The following DNAH14 variants were observed in gnomAD, a reference collection of about 807,000 sequenced individuals.
The protein encoded by DNAH14 is dynein axonemal heavy chain 14.
Under a neutral mutation model 520.9 loss-of-function variants are expected in DNAH14, and 478 were observed. The observed-to-expected ratio is 0.92, with a 90% CI of 0.85 to 0.99. The LOEUF is 0.99. DNAH14 is among the 50% of genes least tolerant of loss of function. DNAH14 has a pLI of 0.00. For missense variants in DNAH14, 4,831 were observed against 5,234.5 expected (o/e 0.92, Z 2.38); for synonymous variants, 1,581 against 1,757.2 (o/e 0.90, Z 2.51).
rs1471274109 is a variant in DNAH14, at chr1:225,043,743, G to A, written c.1769-1G>A. The A allele has an allele frequency of 2.1e-6, 3 of 1,457,584 alleles. No individual in the cohort carries two copies. Among genetic ancestry groups the A allele is most frequent in the Non-Finnish European group, 2.8e-6 (3 of 1,067,214 alleles). The allele number at this position is 1,457,584 out of a possible 1,614,324, so 90.3% of individuals were successfully genotyped here. On this transcript the variant is annotated splice_acceptor_variant, in intron 13 of 85. Transcript: ENST00000682510. LOFTEE classifies it high-confidence loss of function. ...CTCTTTCTTTCAATGGATTCTAATAGACACAGAAATTGAGACTGAGTTTGA... is the reference window on the plus strand; with the variant it reads ...CTCTTTCTTTCAATGGATTCTAATAAACACAGAAATTGAGACTGAGTTTGA...
intron 77 of DNAH14, among the ~76,000 whole-genome samples, chr1:225,373,108 G>C (rs1258084819): frequency 6.8e-6 from 1 of 146,282 alleles, no homozygotes; most frequent in Non-Finnish European, 1.5e-5. Flanking sequence ...TACAGCCACT[G>C]AACATTGATA....
Position 225,385,926 on chromosome 1 carries a change from A to G in DNAH14, c.13078-2453A>G, listed in dbSNP as rs1448457869. On this transcript the variant is annotated intron_variant, in intron 81 of 85. Transcript: ENST00000682510. The stretch of plus-strand genomic sequence containing the variant: ...AAAAAGAGCCCACATTGCCAAGACA[A>G]TCCTAAGCCAAAAGAACAAAGCTGG... Among the ~76,000 whole-genome samples the G allele has an allele frequency of 3.9e-5, 6 of 152,318 alleles. 1 individual carries two copies. In the South Asian group the frequency reaches 1.2e-3, roughly 32 times the overall value.
intron 20 of DNAH14, among the ~76,000 whole-genome samples, chr1:225,084,771 T>A (rs2073540378): frequency 5.7e-5 from 1 of 17,404 alleles, no homozygotes; most frequent in South Asian, 3.9e-3. Context: ...GGTCCCATAC[T>A]TTAACCATAA....
intron 57 of DNAH14, among the ~76,000 whole-genome samples, chr1:225,304,143 C>T (rs145392267): frequency 6.6e-5 from 10 of 152,282 alleles, no homozygotes; most frequent in Admixed American, 2.0e-4. Flanking sequence ...GAATATTCTT[C>T]GCAGTCTGGT....
At chr1:225,297,704 C>A (rs1274175862) in intron 55 of DNAH14, among the ~76,000 whole-genome samples, 1 of 152,206 alleles carries the variant, frequency 6.6e-6, no homozygotes, top group Admixed American at 6.5e-5. Flanking sequence ...TGCAACTTTG[C>A]TGGAGGTGGG....
intron 85 of DNAH14, 106 bp from the exon 86 acceptor site, chr1:225,398,948 G>T: frequency 1.1e-6 from 1 of 920,622 alleles, no homozygotes; most frequent in Non-Finnish European, 1.6e-6. Context: ...AACCTTAAAT[G>T]TATCTAATTC....
chr1:225,269,690 A>G (rs1429910497), intron 49 of DNAH14, among the ~76,000 whole-genome samples: 2 of 152,252 alleles, frequency 1.3e-5, no homozygotes, highest in Non-Finnish European at 2.9e-5. Context: ...GACACTTCAC[A>G]AAAGAAGACA....
chr1:225,156,815 C>T (rs1573567660), intron 34 of DNAH14, among the ~76,000 whole-genome samples: 2 of 110,558 alleles, frequency 1.8e-5, no homozygotes, highest in African/African-American at 3.8e-5. Flanking sequence ...CCCGGGTTCA[C>T]GCCATTCTCC....
In DNAH14 at chr1:225,241,168, T is replaced by C. The variant is rs531218883; in HGVS notation, c.6748+346T>C. ...GTAGGATCATAATATTATAGTCTTATATTTCTTTTTTTTAAAAAAATCCAA... is the reference window on the plus strand; with the variant it reads ...GTAGGATCATAATATTATAGTCTTACATTTCTTTTTTTTAAAAAAATCCAA... On this transcript the variant is annotated intron_variant, in intron 43 of 85. Transcript: ENST00000682510. 1.4e-4 allele frequency among the ~76,000 whole-genome samples: 20 copies of C among 147,176 alleles called. No individual in the cohort carries two copies. In the Middle Eastern group the frequency reaches 0.021, roughly 154 times the overall value.
Position 225,270,829 on chromosome 1 carries a change from C to T in DNAH14, c.7634C>T (p.Pro2545Leu), listed in dbSNP as rs375530989. 1 of 1,551,242 alleles carries T rather than the reference C, an allele frequency of 6.4e-7. No homozygotes were observed. Among genetic ancestry groups the T allele is most frequent in the Non-Finnish European group, 8.7e-7 (1 of 1,146,808 alleles). ...LLKHFSMLVLPHPSQDILCTI... is the reference protein window; with the variant it reads ...LLKHFSMLVLLHPSQDILCTI... ...AAACACTTTTCCATGCTGGTATTAC[C>T]TCATCCTTCACAAGACATCTTATGT... The change falls in exon 50 of 86, where the codon CCT becomes CTT. Residue 2545 changes from proline to leucine, a missense_variant. By Grantham distance (98) the Pro-to-Leu change is moderately conservative. Transcript: ENST00000682510.
At chr1:225,152,225 C>T (rs1032054093) in intron 32 of DNAH14, among the ~76,000 whole-genome samples, 152 bp downstream of exon 32, 1 of 152,182 alleles carries the variant, frequency 6.6e-6, no homozygotes, top group African/African-American at 2.4e-5. Context: ...CATTTATGAA[C>T]AGCTGCACTC....
intron 8 of DNAH14, among the ~76,000 whole-genome samples, chr1:224,977,166 G>T (rs1415164196): frequency 1.3e-5 from 2 of 152,018 alleles, no homozygotes; most frequent in African/African-American, 4.8e-5. Flanking sequence ...CCATAAAAAA[G>T]GATGAGTTCA....
rs140919214 is a variant in DNAH14 at position 225,293,056 on chromosome 1, C to T, written c.8469+2974C>T. Among the ~76,000 whole-genome samples, 1,115 of 151,940 alleles carry T rather than the reference C, an allele frequency of 7.3e-3. 11 individuals carry two copies. The highest frequency in any genetic ancestry group is 0.023 in the African/African-American group (953 of 41,470). ...CAAAAGAAGACATACATGTAGCCAA[C>T]AATTATATGTTAAAAAGCTCAACAT... On this transcript the variant is annotated intron_variant, in intron 55 of 85. Coordinates refer to ENST00000682510, the MANE Select transcript of DNAH14 (RefSeq NM_001367479.1).
rs955226423 is a variant in DNAH14 at position 225,322,566 on chromosome 1, G to T, written c.9336-98G>T. 3 of 1,174,094 alleles carry T rather than the reference G, an allele frequency of 2.6e-6. No homozygotes were observed. The African/African-American group carries it at 4.6e-5, about 18-fold the overall frequency. The allele number at this position is 1,174,094 out of a possible 1,614,324, so 72.7% of individuals were successfully genotyped here. A position where few individuals can be genotyped will look rare whatever the true frequency, so the allele number is the denominator to read the frequency against. ...GACAAATAGTTTTCCTTATCCAAAT[G>T]TGTGTTAAAAATCTGTGTATATTGT... On this transcript the variant is annotated intron_variant, in intron 61 of 85. Transcript: ENST00000682510.
intron 10 of DNAH14, among the ~76,000 whole-genome samples, chr1:225,011,741 G>A (rs910119863): frequency 8.7e-5 from 12 of 138,312 alleles, no homozygotes; most frequent in African/African-American, 2.7e-4. Context: ...TATCAGATGC[G>A]AGGAATGCAA....
intron 17 of DNAH14, among the ~76,000 whole-genome samples, chr1:225,057,820 C>G (rs1439258917): frequency 6.6e-6 from 1 of 152,096 alleles, no homozygotes; most frequent in African/African-American, 2.4e-5. Context: ...TGTTTATATG[C>G]TGGATTACGT....
rs1575101522 is a variant in DNAH14 at position 225,376,969 on chromosome 1, C to CA, written c.12517-268_12517-267insA. ...GTCAGAATCACCCTCACCTTTAAAG[C>CA]GTTTTTTTTTTCTTTCTCTCTTTTC... is the stretch of plus-strand genomic sequence containing the variant. On this transcript the variant is annotated intron_variant, in intron 78 of 85. Transcript: ENST00000682510. Among the ~76,000 whole-genome samples, 12 of 95,798 alleles carry CA rather than the reference C, an allele frequency of 1.3e-4. No homozygotes were observed. In the East Asian group the frequency reaches 4.6e-3, roughly 36 times the overall value. 62.8% of individuals were successfully genotyped at this position (95,798 alleles called of 152,430 possible).
intron 78 of DNAH14, among the ~76,000 whole-genome samples, chr1:225,375,622 G>A (rs560992450): frequency 1.8e-4 from 27 of 152,262 alleles, no homozygotes; most frequent in African/African-American, 6.3e-4. Context: ...AATATTTTAG[G>A]GAGATTCATT....
At chr1:224,940,098 C>G (rs531670951) in intron 1 of DNAH14, among the ~76,000 whole-genome samples, 1 of 152,292 alleles carries the variant, frequency 6.6e-6, no homozygotes, top group African/African-American at 2.4e-5. Context: ...CTGAGCTGGG[C>G]TGAAGTGAAG....
Sources: gnomAD v4.1 joint callset for allele counts (sites outside exome capture counted in the v4.1 genomes callset) on GRCh38, gnomAD v4.1.1 for gene constraint, MANE v1.5 for transcripts, NCBI Gene and HGNC (gene_info 2026-07-23, HGNC 2026-07-21) for gene names.